The following TAMM41 variants were observed in gnomAD, a reference collection of about 807,000 sequenced individuals.
The protein encoded by TAMM41 is TAM41 mitochondrial translocator assembly and maintenance homolog, also known as phosphatidate cytidylyltransferase, mitochondrial.
Under a neutral mutation model 44.1 loss-of-function variants are expected in TAMM41, and 36 were observed. The ratio of observed to expected loss-of-function variants is 0.82; its 90% CI spans 0.63 to 1.08. The LOEUF (loss-of-function observed/expected upper bound fraction) is 1.08. TAMM41 is among the 50% of genes least tolerant of loss of function. TAMM41 has a pLI of 0.00. For missense variants in TAMM41, 417 were observed against 404.3 expected, an observed-to-expected ratio of 1.03 and a Z score of -0.27; for synonymous variants, 164 against 153.1, an observed-to-expected ratio of 1.07 and a Z score of -0.53.
At chr3:11,756,194 C>T in the TAMM41 span, among the ~76,000 whole-genome samples, 1 of 152,206 alleles carries the variant, frequency 6.6e-6, no homozygotes, top group Non-Finnish European at 1.5e-5. Context: ...TTGAGGCACT[C>T]GATTAATGCT....
intron 7 of TAMM41, among the ~76,000 whole-genome samples, chr3:11,793,115 G>A (rs1192396535): frequency 6.6e-6 from 1 of 150,838 alleles, no homozygotes; most frequent in East Asian, 1.9e-4. Flanking sequence ...CGGAGTGGGG[G>A]ATTTTGACAT....
chr3:11,790,807 C>T (rs888405885), intron 7 of TAMM41, among the ~76,000 whole-genome samples: 1 of 152,214 alleles, frequency 6.6e-6, no homozygotes, highest in African/African-American at 2.4e-5. Context: ...TGGATGCCAA[C>T]GGTTCCTAAG....
rs559156927 is a variant in TAMM41, at chr3:11,807,548, A to T, written c.937+285T>A. ...AATCCTATGCATCTGTAACTTTGATAAATAAAACAATATGAGGGAAAAACC... is the reference window on the plus strand; with the variant it reads ...AATCCTATGCATCTGTAACTTTGATTAATAAAACAATATGAGGGAAAAACC... On this transcript the variant is annotated intron_variant, in intron 7 of 7. Coordinates refer to ENST00000455809, the MANE Select transcript of TAMM41 (RefSeq NM_001284401.2). 25 of 1,536,144 alleles carry T rather than the reference A, an allele frequency of 1.6e-5. No individual in the cohort carries two copies. In the South Asian group the frequency reaches 2.9e-4, roughly 18 times the overall value.
At position 11,829,600 on chromosome 3, in the gene TAMM41, C is replaced by T. The variant is rs575407455; in HGVS notation, c.562+114G>A. The T allele has an allele frequency of 1.0e-3, 1,295 of 1,238,542 alleles. 1 individual carries two copies. Among genetic ancestry groups the T allele is most frequent in the Admixed American group, 1.7e-3 (83 of 50,032 alleles). The allele number at this position is 1,238,542 out of a possible 1,614,324, so 76.7% of individuals were successfully genotyped here. A position where few individuals can be genotyped will look rare whatever the true frequency, so the allele number is the denominator to read the frequency against. ...TAGTGCAGGAACCACTCAAGAGTGACGTGATTTACAACTAAGACTGTAGCA... is the reference window on the plus strand; with the variant it reads ...TAGTGCAGGAACCACTCAAGAGTGATGTGATTTACAACTAAGACTGTAGCA... On this transcript the variant is annotated intron_variant, in intron 4 of 7. Coordinates refer to ENST00000455809, the MANE Select transcript of TAMM41 (RefSeq NM_001284401.2).
intron 7 of TAMM41, among the ~76,000 whole-genome samples, chr3:11,792,544 T>G (rs2077504798): frequency 6.6e-6 from 1 of 152,192 alleles, no homozygotes; most frequent in Non-Finnish European, 1.5e-5. Flanking sequence ...AGTCAGATTT[T>G]CACAGGGATC....
rs920056269 is a variant in TAMM41 at position 11,829,955 on chromosome 3, C to T, written c.412-91G>A. On this transcript the variant is annotated intron_variant, in intron 3 of 7. Transcript: ENST00000455809. ...AAATGCACTGGAACTATCTCAAACT[C>T]TCTTCCCACTGAAGATCTTGGAATA... is the stretch of plus-strand genomic sequence containing the variant. 8.6e-6 allele frequency: 11 copies of T among 1,272,910 alleles called. No homozygotes were observed. In the African/African-American group the frequency reaches 1.3e-4, roughly 15 times the overall value. 78.9% of individuals were successfully genotyped at this position (1,272,910 alleles called of 1,614,324 possible).
At chr3:11,822,893 T>C (rs1346845436) in intron 4 of TAMM41, among the ~76,000 whole-genome samples, 1 of 152,222 alleles carries the variant, frequency 6.6e-6, no homozygotes, top group Non-Finnish European at 1.5e-5. Context: ...TAGGTAGATA[T>C]ATAGGAGTAG....
At chr3:11,821,183 G>A (rs997452184) in intron 4 of TAMM41, among the ~76,000 whole-genome samples, 1 of 152,168 alleles carries the variant, frequency 6.6e-6, no homozygotes, top group African/African-American at 2.4e-5. Flanking sequence ...TGGGTCCAGG[G>A]GACAGTGGTT....
Position 11,790,511 on chromosome 3 carries a change from T to G in TAMM41, c.1008A>C (p.Thr336=). The change falls in exon 8 of 8, where the codon ACA becomes ACC. Residue 336 remains threonine (T), a synonymous_variant. Transcript: ENST00000455809. ...HKMWKGWLRK[T]S ...TATATAAAAGCAAGCAAAATCAGGA[T>G]GTTTTCCTCAGCCACCCTTTCCACA... is the stretch of plus-strand genomic sequence containing the variant. 6.2e-7 allele frequency: 1 copy of G among 1,613,938 alleles called. No homozygotes were observed. The highest frequency in any genetic ancestry group is 8.5e-7 in the Non-Finnish European group (1 of 1,179,860).
intron 2 of TAMM41, 165 bp downstream of exon 2, chr3:11,843,864 T>A (rs2079554423): frequency 1.4e-6 from 1 of 714,942 alleles, no homozygotes; most frequent in African/African-American, 1.8e-5. Flanking sequence ...GTTTCCTGAC[T>A]ATAAGAATAT....
chr3:11,731,282 TA>T, the TAMM41 span, among the ~76,000 whole-genome samples: 1 of 152,208 alleles, frequency 6.6e-6, no homozygotes, highest in South Asian at 2.1e-4. Flanking sequence ...AATATCCTTC[TA>T]AATTACATAT....
At chr3:11,732,243 T>G in the TAMM41 span, among the ~76,000 whole-genome samples, 1 of 152,074 alleles carries the variant, frequency 6.6e-6, no homozygotes, top group African/African-American at 2.4e-5. Flanking sequence ...CCTTTTGCTC[T>G]CTTCTTTCCC....
chr3:11,820,431 C>T (rs1048205955), intron 4 of TAMM41, among the ~76,000 whole-genome samples: 2 of 152,130 alleles, frequency 1.3e-5, no homozygotes, highest in African/African-American at 2.4e-5. Flanking sequence ...CCTAAAAGAA[C>T]AATTGCATGC....
intron 7 of TAMM41, among the ~76,000 whole-genome samples, chr3:11,797,869 C>T (rs1170377714): frequency 6.6e-6 from 1 of 152,144 alleles, no homozygotes; most frequent in East Asian, 1.9e-4. Context: ...GGAAGACATA[C>T]ATGCAGCCAA....
the TAMM41 span, among the ~76,000 whole-genome samples, chr3:11,726,170 C>G: frequency 6.6e-6 from 1 of 152,216 alleles, no homozygotes; most frequent in Non-Finnish European, 1.5e-5. Context: ...TTTTTCTAGT[C>G]TATATCCCTT....
the TAMM41 span, among the ~76,000 whole-genome samples, chr3:11,738,454 C>T: frequency 1.3e-5 from 2 of 152,104 alleles, no homozygotes; most frequent in African/African-American, 2.4e-5. Context: ...TTATTGTTCC[C>T]GATGTCCTAT....
chr3:11,787,861 A>C (rs552749003), downstream of TAMM41, among the ~76,000 whole-genome samples: 1 of 152,362 alleles, frequency 6.6e-6, no homozygotes, highest in Admixed American at 6.5e-5. Flanking sequence ...TGGAATGAGA[A>C]GAGCTACTTA....
At chr3:11,838,986 A>G (rs2079309725) in intron 3 of TAMM41, among the ~76,000 whole-genome samples, 1 of 152,172 alleles carries the variant, frequency 6.6e-6, no homozygotes, top group Non-Finnish European at 1.5e-5. Context: ...AGATATTCCA[A>G]AGATTTTAGG....
intron 7 of TAMM41, among the ~76,000 whole-genome samples, chr3:11,796,223 C>T (rs2077602551): frequency 6.6e-6 from 1 of 152,142 alleles, no homozygotes; most frequent in Non-Finnish European, 1.5e-5. Context: ...TGCCTGGCTT[C>T]CATCTTTTGT....
Sources: allele counts gnomAD v4.1 joint callset (sites outside exome capture counted in the v4.1 genomes callset), GRCh38; gene constraint gnomAD v4.1.1; transcripts MANE v1.5; gene names NCBI Gene and HGNC (gene_info 2026-07-23, HGNC 2026-07-21).